DPP9: variants seen among roughly 807,000 people sequenced by gnomAD.
DPP9 encodes dipeptidyl peptidase 9, also known as dipeptidyl peptidase IV-related protein-2.
A neutral mutation model predicts 110.7 loss-of-function variants in DPP9; 50 were observed. The ratio of observed to expected loss-of-function variants is 0.45; its 90% confidence interval spans 0.36 to 0.57. The LOEUF (loss-of-function observed/expected upper bound fraction) is 0.57, where lower values mean the gene tolerates loss of function less well. Among genes scored for constraint, DPP9 ranks in the 20% least tolerant of loss-of-function variants. The pLI is 0.00. For synonymous variants in DPP9, 561 were observed against 514.4 expected (o/e 1.09, Z -1.23); for missense variants, 1,022 against 1,217.9 (o/e 0.84, Z 2.39).
At chr19:4,703,470 CAA>C (rs11451501) in intron 7 of DPP9, among the ~76,000 whole-genome samples, 11 of 128,408 alleles carry the variant, frequency 8.6e-5, no homozygotes, top group Admixed American at 1.6e-4. Context: ...ACTAAAAATA[CAA>C]AAAAAAAAAA....
chr19:4,680,354 A>G (rs867564744), intron 20 of DPP9, among the ~76,000 whole-genome samples: 5 of 151,560 alleles, frequency 3.3e-5, no homozygotes, highest in Admixed American at 1.3e-4. Flanking sequence ...ACAGTGAGCT[A>G]TGATCATACC....
chr19:4,714,038 C>T, intron 4 of DPP9, 43 bp downstream of exon 4: 3 of 1,566,202 alleles, frequency 1.9e-6, no homozygotes, highest in South Asian at 2.4e-5. Flanking sequence ...ACTGTGGTCC[C>T]AGATGCTGTC....
intron 8 of DPP9, 22 bp from the exon 9 acceptor site, chr19:4,702,177 A>G: frequency 6.3e-7 from 1 of 1,597,608 alleles, no homozygotes; most frequent in Non-Finnish European, 8.5e-7. Context: ...TGGTGGAAAA[A>G]CTGCTGAGGG....
chr19:4,694,700 G>T lies in DPP9; in HGVS notation c.1477C>A (p.Gln493Lys). 6.2e-7 allele frequency: 1 copy of T among 1,613,166 alleles called. No individual in the cohort carries two copies. Among genetic ancestry groups the T allele is most frequent in the East Asian group, 2.2e-5 (1 of 44,874 alleles). The change falls in exon 13 of 22, where the codon CAG becomes AAG. Residue 493 changes from glutamine to lysine, a missense_variant. Around this residue, in one of 3 missense-constraint regions of DPP9, gnomAD observed 810 missense variants for 920.6 expected, o/e 0.88. Coordinates refer to ENST00000262960, the MANE Select transcript of DPP9 (RefSeq NM_139159.5). This position sits in a 1 kb window ranked among gnomAD's most constrained non-coding sequence, Gnocchi z 4.0. ...LYKVTAVLKS[Q>K]GYDWSEPFSP... ...AAGGGCTCACTCCAATCGTAGCCCT[G>T]GGATTTTAAAACGGCGGTGACTTTG...
At chr19:4,697,906 A>T (rs1419484195) in intron 10 of DPP9, among the ~76,000 whole-genome samples, 2 of 152,176 alleles carry the variant, frequency 1.3e-5, no homozygotes, top group African/African-American at 4.8e-5. Context: ...ACATAGACAT[A>T]GACACATAGA....
intron 16 of DPP9, 59 bp downstream of exon 16, chr19:4,688,698 G>C: frequency 1.5e-6 from 2 of 1,364,708 alleles, no homozygotes; most frequent in Non-Finnish European, 1.9e-6. Flanking sequence ...TGGGGCCCTC[G>C]TCCCGTTTTA....
chr19:4,695,496 G>T lies in DPP9; in HGVS notation c.1235C>A (p.Pro412Gln). The change falls in exon 12 of 22, where the codon CCG becomes CAG. Residue 412 changes from proline (P) to glutamine (Q), a missense_variant. This residue lies in a region of DPP9 where 810 missense variants were observed against 920.6 expected (regional missense o/e 0.88). Transcript: ENST00000262960. The surrounding 1 kb of genome is among the most constrained non-coding windows in gnomAD (Gnocchi z 4.7). Reference sequence around the variant, plus strand: ...CTCTGTGCTCGGGATGAACAGGGCCGGGGGGAGGAGGACGAGCTGGAGCCA... The same window carrying T: ...CTCTGTGCTCGGGATGAACAGGGCCTGGGGGAGGAGGACGAGCTGGAGCCA... ...QQWLQLVLLPPALFIPSTENE... is the reference protein window; with the variant it reads ...QQWLQLVLLPQALFIPSTENE... 1 of 1,555,084 alleles carries T rather than the reference G, an allele frequency of 6.4e-7. No individual in the cohort carries two copies. Among genetic ancestry groups the T allele is most frequent in the East Asian group, 2.4e-5 (1 of 41,930 alleles).
chr19:4,710,411 G>A lies in DPP9; in HGVS notation c.313+3670C>T, dbSNP rs975664777. Among the ~76,000 whole-genome samples the A allele has an allele frequency of 5.3e-5, 8 of 152,232 alleles. No individual in the cohort carries two copies. Among genetic ancestry groups the A allele is most frequent in the Non-Finnish European group, 8.8e-5 (6 of 68,044 alleles). The stretch of plus-strand genomic sequence containing the variant: ...GGGGAGAGGCTGATCCGCGTGGGGC[G>A]GGAGCGGGGTCGGGAGCGTTTCCCA... On this transcript the variant is annotated intron_variant, in intron 4 of 21. Transcript: ENST00000262960. The surrounding 1 kb of genome is among the most constrained non-coding windows in gnomAD (Gnocchi z 5.6).
chr19:4,705,986 A>T lies in DPP9; in HGVS notation c.314-16T>A, dbSNP rs770539667. ...TATGGCATTCCTAAAGGGAGAAAGGAAACACCCAGAACGGGTACCCTGGCT... is the reference window on the plus strand; with the variant it reads ...TATGGCATTCCTAAAGGGAGAAAGGTAACACCCAGAACGGGTACCCTGGCT... On this transcript the variant is annotated splice_polypyrimidine_tract_variant and intron_variant, in intron 4 of 21. Coordinates refer to ENST00000262960, the MANE Select transcript of DPP9 (RefSeq NM_139159.5). 1 of 1,609,644 alleles carries T rather than the reference A, an allele frequency of 6.2e-7. No individual in the cohort carries two copies.
intron 3 of DPP9, chr19:4,719,320 T>TC (rs2093213945): frequency 7.2e-6 from 1 of 139,678 alleles, no homozygotes; most frequent in East Asian, 2.0e-4. Context: ...AGAGCAAGAC[T>TC]CCGTCTTAAA....
Position 4,683,588 on chromosome 19 carries a change from G to T in DPP9, c.2220C>A (p.Phe740Leu), listed in dbSNP as rs775362476. ...EIEDQVEGLQ[F>L]VAEKYGFIDL... ...CGATGAAGCCATACTTCTCGGCCACGAACTGCAGGCCCTCCACCTGGTCCT... is the reference window on the plus strand; with the variant it reads ...CGATGAAGCCATACTTCTCGGCCACTAACTGCAGGCCCTCCACCTGGTCCT... The change falls in exon 19 of 22, where the codon TTC becomes TTA. Residue 740 changes from phenylalanine to leucine, a missense_variant. By Grantham distance (22) the Phe-to-Leu change is conservative (BLOSUM62 0). Transcript: ENST00000262960. 5.0e-6 allele frequency: 8 copies of T among 1,613,412 alleles called. No homozygotes were observed. The highest frequency in any genetic ancestry group is 1.6e-4 in the Middle Eastern group (1 of 6,082).
chr19:4,707,517 T>C (rs1036448216), intron 4 of DPP9, among the ~76,000 whole-genome samples: 4 of 150,960 alleles, frequency 2.6e-5, no homozygotes, highest in African/African-American at 9.7e-5. Context: ...CCCGGTGCCC[T>C]GGCCCCTCCT....
rs1322032263 is a variant in DPP9 at position 4,710,376 on chromosome 19, C to T, written c.313+3705G>A. Among the ~76,000 whole-genome samples the T allele has an allele frequency of 1.3e-5, 2 of 152,210 alleles. No homozygotes were observed. The highest frequency in any genetic ancestry group is 2.9e-5 in the Non-Finnish European group (2 of 68,040). ...GGCCTCCTCCAGCCACAGAAGTCAC[C>T]GTTTGCAGTGGGGAGAGGCTGATCC... On this transcript the variant is annotated intron_variant, in intron 4 of 21. Transcript: ENST00000262960. The surrounding 1 kb of genome is among the most constrained non-coding windows in gnomAD (Gnocchi z 5.6).
rs749194339 is a variant in DPP9, at chr19:4,694,743, G to A, written c.1434C>T (p.Thr478=). Residue 478 remains threonine, a synonymous_variant, in exon 13 of 22, where the codon ACC becomes ACT. Coordinates refer to ENST00000262960, the MANE Select transcript of DPP9 (RefSeq NM_139159.5). This position sits in a 1 kb window ranked among gnomAD's most constrained non-coding sequence, Gnocchi z 4.0. ...LCFLRANECK[T]GFCHLYKVTA... is the part of the protein sequence containing the mutation. ...TGACTTTGTACAAATGGCAGAAGCC[G>A]GTCTTGCATTCATTGGCGCGGAGAA... The A allele has an allele frequency of 7.4e-6, 12 of 1,613,720 alleles. No individual in the cohort carries two copies. The highest frequency in any genetic ancestry group is 1.1e-5 in the South Asian group (1 of 91,070).
chr19:4,691,567 C>T (rs533019282), intron 13 of DPP9, among the ~76,000 whole-genome samples: 2 of 150,302 alleles, frequency 1.3e-5, no homozygotes, highest in Non-Finnish European at 2.9e-5. Flanking sequence ...CCAAAGGCCA[C>T]ATGACATCTG....
Position 4,685,169 on chromosome 19 carries a change from G to A in DPP9, c.2032-360C>T, listed in dbSNP as rs773235639. 42 of 539,606 alleles carry A rather than the reference G, an allele frequency of 7.8e-5. No homozygotes were observed. The highest frequency in any genetic ancestry group is 1.1e-4 in the South Asian group (7 of 65,292). 33.4% of individuals were successfully genotyped at this position (539,606 alleles called of 1,614,324 possible). ...AAGCCACTCCAGGCCAGGAGAACTC[G>A]CAGTGGTGATGAACCACAAAGTACC... On this transcript the variant is annotated intron_variant, in intron 17 of 21. Coordinates refer to ENST00000262960, the MANE Select transcript of DPP9 (RefSeq NM_139159.5). This position sits in a 1 kb window ranked among gnomAD's most constrained non-coding sequence, Gnocchi z 5.8.
Position 4,681,346 on chromosome 19 carries a change from C to T in DPP9, c.2474+1350G>A, listed in dbSNP as rs1222455521. Among the ~76,000 whole-genome samples the T allele has an allele frequency of 3.3e-5, 5 of 152,136 alleles. 1 individual carries two copies. In the South Asian group the frequency reaches 1.0e-3, roughly 31 times the overall value. ...ATTATTATTTTTTGAGACAGAGTCT[C>T]GCTCTGTTGCCCAGGCTGGAGTGCA... On this transcript the variant is annotated intron_variant, in intron 20 of 21. Coordinates refer to ENST00000262960, the MANE Select transcript of DPP9 (RefSeq NM_139159.5).
rs1165271230 is a variant in DPP9, at chr19:4,722,653, C to T, written c.-88-102G>A. The T allele has an allele frequency of 4.4e-6, 3 of 683,630 alleles. No homozygotes were observed. The African/African-American group carries it at 5.3e-5, about 12-fold the overall frequency. 42.3% of individuals were successfully genotyped at this position (683,630 alleles called of 1,614,324 possible). On this transcript the variant is annotated intron_variant, in intron 1 of 21. Transcript: ENST00000262960. ...GAGCTGCAGACTGTCAGGCCCGATT[C>T]TACCTGGCTAGATTCTAGCTCTGCC...
intron 9 of DPP9, among the ~76,000 whole-genome samples, 161 bp downstream of exon 9, chr19:4,701,866 G>C (rs1283829844): frequency 6.6e-6 from 1 of 152,192 alleles, no homozygotes; most frequent in Non-Finnish European, 1.5e-5. Flanking sequence ...CCAGGAGAAA[G>C]GGGCGGCCCC....
Sources: gnomAD v4.1 joint callset for allele counts (sites outside exome capture counted in the v4.1 genomes callset) on GRCh38, gnomAD v4.1.1 for gene constraint, gnomAD v4.1.1 regional missense constraint, Gnocchi (gnomAD v3.1) non-coding constraint, MANE v1.5 for transcripts, NCBI Gene and HGNC (gene_info 2026-07-23, HGNC 2026-07-21) for gene names.